Variants in KCNIP4 observed in about 807,000 individuals in gnomAD.
KCNIP4 encodes the protein Kv channel-interacting protein 4.
Under a neutral mutation model 34.0 loss-of-function variants are expected in KCNIP4, and 12 were observed. The observed-to-expected ratio is 0.35, with a 90% CI of 0.23 to 0.57. The LOEUF is 0.57. KCNIP4 is among the 20% of genes least tolerant of loss of function. KCNIP4 has a pLI of 0.83. For synonymous variants in KCNIP4, 124 were observed against 102.2 expected (o/e 1.21, Z -1.29); for missense variants, 238 against 311.7 (o/e 0.76, Z 1.78).
intron 1 of KCNIP4, among the ~76,000 whole-genome samples, chr4:21,937,615 A>G (rs774546069): frequency 6.6e-6 from 1 of 152,140 alleles, no homozygotes; most frequent in Non-Finnish European, 1.5e-5. Context: ...ATATCCAAGA[A>G]GCCCTTAAAT....
At chr4:20,772,493 T>G (rs1755986663) in intron 3 of KCNIP4, among the ~76,000 whole-genome samples, 1 of 152,122 alleles carries the variant, frequency 6.6e-6, no homozygotes, top group African/African-American at 2.4e-5. Context: ...ACAAATAAAT[T>G]GAAATGTCCC....
intron 5 of KCNIP4, among the ~76,000 whole-genome samples, chr4:20,735,530 G>GTTTTTTTTTTTTT (rs10542507): frequency 2.7e-5 from 3 of 109,710 alleles, no homozygotes; most frequent in Non-Finnish European, 3.6e-5. Context: ...TTTTTTTTTT[G>GTTTTTTTTTTTTT]TTTTTTTTTT....
intron 1 of KCNIP4, among the ~76,000 whole-genome samples, chr4:21,744,840 T>C (rs1716665493): frequency 6.6e-6 from 1 of 152,140 alleles, no homozygotes; most frequent in African/African-American, 2.4e-5. Flanking sequence ...ACAAAACACG[T>C]TCCTCACAAT....
At chr4:21,383,697 T>C (rs1030691949) in intron 1 of KCNIP4, among the ~76,000 whole-genome samples, 3 of 152,114 alleles carry the variant, frequency 2.0e-5, no homozygotes, top group Non-Finnish European at 4.4e-5. Flanking sequence ...CGATTTTACC[T>C]GGATTTATGC....
At chr4:21,089,907 C>G (rs549724166) in intron 1 of KCNIP4, among the ~76,000 whole-genome samples, 1 of 152,298 alleles carries the variant, frequency 6.6e-6, no homozygotes, top group African/African-American at 2.4e-5. Context: ...TATGACACAT[C>G]ACACACATAC....
intron 1 of KCNIP4, among the ~76,000 whole-genome samples, chr4:21,665,823 G>A (rs1432250522): frequency 6.6e-6 from 1 of 152,118 alleles, no homozygotes; most frequent in Non-Finnish European, 1.5e-5. Context: ...TTTCCCACTT[G>A]CAGGACCATC....
chr4:20,985,015 C>T (rs987285473), intron 1 of KCNIP4, among the ~76,000 whole-genome samples: 2 of 152,192 alleles, frequency 1.3e-5, no homozygotes, highest in Non-Finnish European at 2.9e-5. Flanking sequence ...AGACCCTGTT[C>T]TGTGCCAGGA....
intron 1 of KCNIP4, among the ~76,000 whole-genome samples, chr4:21,557,316 A>G (rs532213428): frequency 8.3e-4 from 127 of 152,166 alleles, no homozygotes; most frequent in Non-Finnish European, 1.1e-3. Context: ...GAATCACATT[A>G]TTTCACAGTC....
At chr4:21,307,871 T>A in intron 1 of KCNIP4, among the ~76,000 whole-genome samples, 1 of 152,326 alleles carries the variant, frequency 6.6e-6, no homozygotes, top group African/African-American at 2.4e-5. Flanking sequence ...GAATATGATT[T>A]GTGGTTCCTG....
intron 1 of KCNIP4, among the ~76,000 whole-genome samples, chr4:20,928,780 A>G (rs919707793): frequency 1.3e-4 from 20 of 151,988 alleles, no homozygotes. Context: ...TGCAATGGAA[A>G]CTTCAGAAGT....
chr4:20,768,186 C>T (rs144944540), intron 3 of KCNIP4, among the ~76,000 whole-genome samples: 84 of 152,242 alleles, frequency 5.5e-4, no homozygotes, highest in African/African-American at 1.9e-3. Context: ...ATAGGGAATA[C>T]TAAAAATATT....
Position 21,745,992 on chromosome 4 carries a change from C to T in KCNIP4, c.61+202579G>A, listed in dbSNP as rs562772458. ...ATATATTTTCTCGCAGATCTGGAGG[C>T]TAGATGTCCTAGATTAAGATATTAG... is the stretch of plus-strand genomic sequence containing the variant. On this transcript the variant is annotated intron_variant, in intron 1 of 8. Transcript: ENST00000382152. Among the ~76,000 whole-genome samples, 677 of 152,222 alleles carry T rather than the reference C, an allele frequency of 4.4e-3. 4 individuals are homozygous for T. Among genetic ancestry groups the T allele is most frequent in the Middle Eastern group, 0.02 (6 of 294 alleles).
intron 1 of KCNIP4, among the ~76,000 whole-genome samples, chr4:21,546,988 T>A (rs985172145): frequency 6.6e-6 from 1 of 152,184 alleles, no homozygotes; most frequent in Non-Finnish European, 1.5e-5. Context: ...CTCCAATTTC[T>A]CTTCCTTTCT....
rs1395538696 is a variant in KCNIP4 at position 21,368,779 on chromosome 4, G to A, written c.62-486070C>T. 2.7e-5 allele frequency among the ~76,000 whole-genome samples: 4 copies of A among 147,314 alleles called. 1 individual carries two copies. The highest frequency in any genetic ancestry group is 1.1e-4 in the African/African-American group (4 of 36,978). On this transcript the variant is annotated intron_variant, in intron 1 of 8. Transcript: ENST00000382152. ...CCCTTTCCTTGAGGAGTTTTAAGTT[G>A]AATAAAAAATAATGGATATAATTCT... is the stretch of plus-strand genomic sequence containing the variant.
intron 8 of KCNIP4, chr4:20,731,276 G>A (rs937425689): frequency 2.8e-5 from 13 of 458,276 alleles, no homozygotes; most frequent in African/African-American, 2.6e-4. Flanking sequence ...GTCTTGCTAT[G>A]TTGCCCACAT....
At chr4:20,917,861 G>A (rs1367370512) in intron 1 of KCNIP4, among the ~76,000 whole-genome samples, 5 of 152,096 alleles carry the variant, frequency 3.3e-5, no homozygotes, top group African/African-American at 4.8e-5. Context: ...ACCCAATAAC[G>A]ACAGGTATGT....
At chr4:21,528,359 T>A (rs978090013) in intron 1 of KCNIP4, among the ~76,000 whole-genome samples, 1 of 151,950 alleles carries the variant, frequency 6.6e-6, no homozygotes, top group Non-Finnish European at 1.5e-5. Context: ...CAGTTCATGT[T>A]TGCTTTCCTC....
intron 3 of KCNIP4, among the ~76,000 whole-genome samples, chr4:20,826,865 T>C (rs532470532): frequency 6.6e-6 from 1 of 152,252 alleles, no homozygotes; most frequent in East Asian, 1.9e-4. Context: ...CTTCTAAAAG[T>C]GAGAAGGACA....
chr4:21,746,680 C>G (rs1004678925), intron 1 of KCNIP4, among the ~76,000 whole-genome samples: 3 of 147,796 alleles, frequency 2.0e-5, no homozygotes, highest in Non-Finnish European at 3.0e-5. Flanking sequence ...TTCATAATAC[C>G]AAAAAAAAAA....
Sources: gnomAD v4.1 joint callset for allele counts (sites outside exome capture counted in the v4.1 genomes callset) on GRCh38, gnomAD v4.1.1 for gene constraint, MANE v1.5 for transcripts, NCBI Gene and HGNC (gene_info 2026-07-23, HGNC 2026-07-21) for gene names.